Variants in NTNG1 observed in about 807,000 individuals in gnomAD.
NTNG1 encodes the protein netrin-G1.
Under a neutral mutation model 54.0 loss-of-function variants are expected in NTNG1, and 16 were observed. The observed-to-expected ratio is 0.30, with a 90% confidence interval of 0.20 to 0.45. NTNG1 has a LOEUF of 0.45. NTNG1 is among the 20% of genes least tolerant of loss of function. NTNG1 has a pLI of 1.00. For synonymous variants in NTNG1, 255 were observed against 263.1 expected, an observed-to-expected ratio of 0.97 and a Z score of 0.30; for missense variants, 530 against 678.7, an observed-to-expected ratio of 0.78 and a Z score of 2.43.
intron 2 of NTNG1, among the ~76,000 whole-genome samples, chr1:107,240,509 T>G (rs1661756041): frequency 6.6e-6 from 1 of 152,160 alleles, no homozygotes; most frequent in Admixed American, 6.5e-5. Flanking sequence ...AGAACTGAAC[T>G]TAGTAGTGAA....
At chr1:107,464,550 A>T (rs545760931) in intron 7 of NTNG1, among the ~76,000 whole-genome samples, 2 of 152,294 alleles carry the variant, frequency 1.3e-5, no homozygotes, top group African/African-American at 2.4e-5. Flanking sequence ...ATTAACCAAG[A>T]GGCTTGCACG....
chr1:107,471,151 G>A (rs914187980), intron 7 of NTNG1, among the ~76,000 whole-genome samples: 4 of 152,048 alleles, frequency 2.6e-5, no homozygotes, highest in African/African-American at 9.7e-5. Flanking sequence ...AGAATAGAAT[G>A]GCTACTCCCT....
intron 7 of NTNG1, among the ~76,000 whole-genome samples, chr1:107,473,916 C>G (rs929431311): frequency 7.2e-5 from 11 of 152,274 alleles, no homozygotes; most frequent in African/African-American, 2.6e-4. Flanking sequence ...TGTCAAATTC[C>G]ACAAATTATC....
intron 2 of NTNG1, among the ~76,000 whole-genome samples, chr1:107,285,332 T>G (rs1480844240): frequency 1.3e-5 from 2 of 152,166 alleles, no homozygotes; most frequent in Non-Finnish European, 2.9e-5. Flanking sequence ...TTACTGATGA[T>G]GAATCATAGG....
rs568406323 is a variant in NTNG1, at chr1:107,367,738, G to T, written c.888-27416G>T. 7.9e-5 allele frequency among the ~76,000 whole-genome samples: 12 copies of T among 151,774 alleles called. No individual in the cohort carries two copies. In the East Asian group the frequency reaches 2.3e-3, roughly 29 times the overall value. On this transcript the variant is annotated intron_variant, in intron 3 of 7. Coordinates refer to ENST00000370068, the MANE Select transcript of NTNG1 (RefSeq NM_001113226.3). ...TTTATTTTTTCTGTCTGTTTGTTTG[G>T]TTTTGTTTCTGTTTTTTTGTTTTTT...
At chr1:107,370,051 T>G (rs986922676) in intron 3 of NTNG1, among the ~76,000 whole-genome samples, 7 of 152,214 alleles carry the variant, frequency 4.6e-5, no homozygotes, top group Admixed American at 4.6e-4. Flanking sequence ...GTGGCCTATT[T>G]CTGGATGCTA....
intron 2 of NTNG1, among the ~76,000 whole-genome samples, chr1:107,300,785 C>A (rs1469061172): frequency 6.6e-6 from 1 of 152,072 alleles, no homozygotes; most frequent in Admixed American, 6.6e-5. Flanking sequence ...ATCCTGAATA[C>A]AGAGTTAATG....
chr1:107,179,026 G>A (rs1656864946), intron 2 of NTNG1, among the ~76,000 whole-genome samples: 1 of 152,146 alleles, frequency 6.6e-6, no homozygotes, highest in Non-Finnish European at 1.5e-5. Context: ...TAATGTAATA[G>A]GAAACATTCT....
chr1:107,306,846 G>T (rs1220069375), intron 2 of NTNG1, among the ~76,000 whole-genome samples: 1 of 151,978 alleles, frequency 6.6e-6, no homozygotes, highest in African/African-American at 2.4e-5. Context: ...GTTTTCTAAT[G>T]AATTAGCTAC....
At chr1:107,345,457 G>T (rs79864973) in intron 3 of NTNG1, among the ~76,000 whole-genome samples, 2,787 of 152,232 alleles carry the variant, frequency 0.018, 98 homozygotes, top group African/African-American at 0.064. Flanking sequence ...GGTGTGAGCC[G>T]CTGTGGCACA....
rs1660648182 is a variant in NTNG1 at position 107,225,969 on chromosome 1, C to T, written c.246+77130C>T. 2.0e-5 allele frequency among the ~76,000 whole-genome samples: 3 copies of T among 152,050 alleles called. No homozygotes were observed. The South Asian group carries it at 6.2e-4, about 32-fold the overall frequency. On this transcript the variant is annotated intron_variant, in intron 2 of 7. Transcript: ENST00000370068. ...GCCCAGTACTGTTCCAAGCACCTGCCAAGTAATCTCTTTTGCAAACCTCAC... is the reference window on the plus strand; with the variant it reads ...GCCCAGTACTGTTCCAAGCACCTGCTAAGTAATCTCTTTTGCAAACCTCAC...
chr1:107,452,004 G>A (rs1443206485), intron 7 of NTNG1, among the ~76,000 whole-genome samples: 1 of 152,154 alleles, frequency 6.6e-6, no homozygotes, highest in African/African-American at 2.4e-5. Context: ...TTGAATCCTG[G>A]CTCTGCCACT....
chr1:107,476,575 C>T (rs533168104), intron 7 of NTNG1, among the ~76,000 whole-genome samples: 6 of 152,248 alleles, frequency 3.9e-5, no homozygotes, highest in African/African-American at 1.4e-4. Context: ...CTAAATACCC[C>T]AAACAGGAAG....
chr1:107,368,169 A>G (rs1670711708), intron 3 of NTNG1, among the ~76,000 whole-genome samples: 1 of 151,928 alleles, frequency 6.6e-6, no homozygotes, highest in Non-Finnish European at 1.5e-5. Flanking sequence ...ATTTTCTTAC[A>G]TCCTTATTAC....
intron 2 of NTNG1, among the ~76,000 whole-genome samples, chr1:107,285,915 C>T (rs1665165052): frequency 6.6e-6 from 1 of 152,028 alleles, no homozygotes; most frequent in Admixed American, 6.6e-5. Context: ...GTGACACTCG[C>T]TCCTCACCGC....
At chr1:107,160,196 A>C (rs1570732583) in intron 2 of NTNG1, among the ~76,000 whole-genome samples, 1 of 152,064 alleles carries the variant, frequency 6.6e-6, no homozygotes. Context: ...AGAACTCTTG[A>C]TTTCTTCTTC....
intron 2 of NTNG1, among the ~76,000 whole-genome samples, chr1:107,304,165 A>G (rs1487881690): frequency 6.6e-6 from 1 of 152,078 alleles, no homozygotes; most frequent in Non-Finnish European, 1.5e-5. Context: ...TCTTTAGAGT[A>G]TCTGGCACTA....
intron 2 of NTNG1, among the ~76,000 whole-genome samples, chr1:107,203,847 T>A (rs1251775407): frequency 6.6e-6 from 1 of 151,908 alleles, no homozygotes; most frequent in African/African-American, 2.4e-5. Flanking sequence ...AATATCTTTA[T>A]CTTTTTGCAT....
chr1:107,156,026 C>A (rs1428372923), intron 2 of NTNG1, among the ~76,000 whole-genome samples: 1 of 152,112 alleles, frequency 6.6e-6, no homozygotes, highest in Non-Finnish European at 1.5e-5. Context: ...GCAGGGTATA[C>A]CATCTAGATG....
Sources: allele counts gnomAD v4.1 joint callset (sites outside exome capture counted in the v4.1 genomes callset), GRCh38; gene constraint gnomAD v4.1.1; transcripts MANE v1.5; gene names NCBI Gene and HGNC (gene_info 2026-07-23, HGNC 2026-07-21).